The following SKAP1 variants were observed in gnomAD, a reference collection of about 807,000 sequenced individuals.
SKAP1 encodes src kinase associated phosphoprotein 1, also known as src kinase-associated phosphoprotein 1.
In SKAP1, 44 loss-of-function variants were observed where a neutral mutation model predicts 58.5. The observed-to-expected ratio is 0.75, with a 90% CI of 0.59 to 0.97. The LOEUF is 0.97. SKAP1 is among the 50% of genes least tolerant of loss of function. SKAP1 has a pLI of 0.00. For synonymous variants in SKAP1, 127 were observed against 149.7 expected (o/e 0.85, Z 1.11); for missense variants, 390 against 435.2 (o/e 0.90, Z 0.92).
chr17:48,232,840 C>A (rs1779209159), intron 4 of SKAP1, among the ~76,000 whole-genome samples: 1 of 152,182 alleles, frequency 6.6e-6, no homozygotes, highest in African/African-American at 2.4e-5. Flanking sequence ...AGGAAAGCTA[C>A]AAACAACATC....
intron 4 of SKAP1, among the ~76,000 whole-genome samples, chr17:48,287,423 A>G (rs925300252): frequency 5.3e-5 from 8 of 152,180 alleles, no homozygotes; most frequent in Admixed American, 5.2e-4. Flanking sequence ...TCTAACTAAA[A>G]GAGTGTACAC....
intron 11 of SKAP1, among the ~76,000 whole-genome samples, chr17:48,155,794 TTG>T (rs1014532532): frequency 6.6e-6 from 1 of 151,984 alleles, no homozygotes; most frequent in African/African-American, 2.4e-5. Flanking sequence ...GAGGCAGAGG[TTG>T]CAGTGAGCCG....
At chr17:48,386,112 G>A (rs1432199111) in intron 2 of SKAP1, among the ~76,000 whole-genome samples, 1 of 152,046 alleles carries the variant, frequency 6.6e-6, no homozygotes, top group African/African-American at 2.4e-5. Flanking sequence ...CTAACACTCA[G>A]TAAAAAGAAA....
chr17:48,396,637 T>G, intron 2 of SKAP1, 43 bp downstream of exon 2: 1 of 1,268,508 alleles, frequency 7.9e-7, no homozygotes, highest in Non-Finnish European at 1.1e-6. Context: ...ATAAATTGTT[T>G]TAAAGCTTAT....
chr17:48,267,500 GTACTAATAGATACTCTA>G (rs941224763), intron 4 of SKAP1, among the ~76,000 whole-genome samples: 1 of 151,972 alleles, frequency 6.6e-6, no homozygotes, highest in Non-Finnish European at 1.5e-5. Context: ...TTACCACTTG[GTACTAATAGATACTCTA>G]TACACAAGTC....
the SKAP1 span, among the ~76,000 whole-genome samples, chr17:48,443,586 C>T: frequency 6.6e-6 from 1 of 152,124 alleles, no homozygotes; most frequent in South Asian, 2.1e-4. Flanking sequence ...AGCAATTCTC[C>T]TGCCTCAGAC....
intron 4 of SKAP1, among the ~76,000 whole-genome samples, chr17:48,294,751 C>T (rs141806598): frequency 7.0e-4 from 107 of 152,216 alleles, no homozygotes; most frequent in African/African-American, 2.4e-3. Context: ...ATGGCTGTTA[C>T]GTGGTGATGA....
chr17:48,374,836 C>G (rs1330388124), intron 2 of SKAP1, among the ~76,000 whole-genome samples: 2 of 152,192 alleles, frequency 1.3e-5, no homozygotes, highest in Non-Finnish European at 2.9e-5. Context: ...GAAAACAGCA[C>G]CATCTGGTGG....
At chr17:48,403,199 C>CCA (rs1199798286) in intron 1 of SKAP1, among the ~76,000 whole-genome samples, 18 of 89,410 alleles carry the variant, frequency 2.0e-4, no homozygotes, top group African/African-American at 6.5e-4. Flanking sequence ...CCTGTCTCTA[C>CCA]AAAAAAAAAA....
At chr17:48,281,944 AC>A in intron 4 of SKAP1, among the ~76,000 whole-genome samples, 1 of 152,202 alleles carries the variant, frequency 6.6e-6, no homozygotes, top group East Asian at 1.9e-4. Context: ...AATAAGGAAA[AC>A]CTGAAGAACA....
intron 4 of SKAP1, among the ~76,000 whole-genome samples, chr17:48,235,858 T>C (rs1341166042): frequency 6.6e-6 from 1 of 152,188 alleles, no homozygotes; most frequent in Non-Finnish European, 1.5e-5. Flanking sequence ...TAGTCAAATA[T>C]ACCAGAGAAT....
intron 4 of SKAP1, among the ~76,000 whole-genome samples, chr17:48,250,928 A>G (rs368825172): frequency 6.6e-6 from 1 of 152,338 alleles, no homozygotes; most frequent in African/African-American, 2.4e-5. Flanking sequence ...TCATGAAAAT[A>G]AAATAACTAT....
At chr17:48,404,374 C>T (rs2067542884) in intron 1 of SKAP1, among the ~76,000 whole-genome samples, 1 of 152,088 alleles carries the variant, frequency 6.6e-6, no homozygotes, top group Admixed American at 6.6e-5. Context: ...ATTGTTGGAA[C>T]CCAGGAGGTG....
At chr17:48,283,998 T>C (rs2065799910) in intron 4 of SKAP1, among the ~76,000 whole-genome samples, 1 of 152,214 alleles carries the variant, frequency 6.6e-6, no homozygotes, top group Admixed American at 6.5e-5. Flanking sequence ...ACTTTGAAAT[T>C]GTTTGCCCAG....
chr17:48,405,901 T>C (rs1258383728), intron 1 of SKAP1, among the ~76,000 whole-genome samples: 1 of 152,044 alleles, frequency 6.6e-6, no homozygotes, highest in South Asian at 2.1e-4. Flanking sequence ...AGTGCAGATA[T>C]AGAGGATTCA....
chr17:48,278,748 G>A (rs558539186), intron 4 of SKAP1, among the ~76,000 whole-genome samples: 1 of 152,270 alleles, frequency 6.6e-6, no homozygotes, highest in Admixed American at 6.5e-5. Context: ...GAGACAGGAA[G>A]TCAAAGATGA....
chr17:48,430,365 T>C (rs2067904086), upstream of SKAP1: 3 of 233,900 alleles, frequency 1.3e-5, no homozygotes, highest in East Asian at 2.9e-4. Flanking sequence ...AGCCCCACGG[T>C]AGAAGGATTG....
chr17:48,428,634 C>T lies in SKAP1; in HGVS notation c.46+1441G>A, dbSNP rs147393881. On this transcript the variant is annotated intron_variant, in intron 1 of 12. Transcript: ENST00000336915. ...TTTAATAAGCTTATAAAATAGGTTTCCTCTCATCAAATGACAGATACCAAT... is the reference window on the plus strand; with the variant it reads ...TTTAATAAGCTTATAAAATAGGTTTTCTCTCATCAAATGACAGATACCAAT... Among the ~76,000 whole-genome samples, 367 of 152,312 alleles carry T rather than the reference C, an allele frequency of 2.4e-3. 2 individuals carry two copies. The highest frequency in any genetic ancestry group is 8.4e-3 in the African/African-American group (348 of 41,566).
chr17:48,321,853 T>A (rs2066372423), intron 4 of SKAP1, among the ~76,000 whole-genome samples: 1 of 152,170 alleles, frequency 6.6e-6, no homozygotes, highest in South Asian at 2.1e-4. Context: ...CAATCTGTGA[T>A]TTTTTAAAAA....
Sources: allele counts gnomAD v4.1 joint callset (sites outside exome capture counted in the v4.1 genomes callset), GRCh38; gene constraint gnomAD v4.1.1; transcripts MANE v1.5; gene names NCBI Gene and HGNC (gene_info 2026-07-23, HGNC 2026-07-21).